Variants in LANCL3 observed in about 807,000 individuals in gnomAD.
The protein encoded by LANCL3 is lanC-like protein 3.
In LANCL3, 19 loss-of-function variants were observed where a neutral mutation model predicts 26.5. The observed-to-expected ratio is 0.72, with a 90% CI of 0.50 to 1.05. The LOEUF (loss-of-function observed/expected upper bound fraction) is 1.05. Ranked by LOEUF, LANCL3 falls within the 50% of genes least tolerant of loss-of-function variation. The pLI is 0.00. For synonymous variants in LANCL3, 160 were observed against 166.6 expected, an observed-to-expected ratio of 0.96 and a Z score of 0.30; for missense variants, 318 against 362.7, an observed-to-expected ratio of 0.88 and a Z score of 1.00.
intron 1 of LANCL3, among the ~76,000 whole-genome samples, chrX:37,608,340 C>T (rs1424435849): frequency 8.9e-6 from 1 of 111,749 alleles, no homozygotes; most frequent in Non-Finnish European, 1.9e-5. Context: ...GATTGCTGGG[C>T]CCTACCTCAG....
chrX:37,609,123 A>G (rs1383511876), intron 1 of LANCL3, among the ~76,000 whole-genome samples: 1 of 112,201 alleles, frequency 8.9e-6, no homozygotes, highest in Non-Finnish European at 1.9e-5. Context: ...GATGCTTTAC[A>G]ATATATTGAG....
chrX:37,583,287 C>T (rs1269222968), intron 1 of LANCL3, among the ~76,000 whole-genome samples: 30 of 111,982 alleles, frequency 2.7e-4, no homozygotes, highest in Non-Finnish European at 4.9e-4. Context: ...TTAGGATTGA[C>T]TTGGCAATGT....
At chrX:37,596,679 T>A (rs1924438060) in intron 1 of LANCL3, among the ~76,000 whole-genome samples, 1 of 112,195 alleles carries the variant, frequency 8.9e-6, no homozygotes, top group Non-Finnish European at 1.9e-5. Flanking sequence ...ATTTGGTGTG[T>A]CTTGTGTATA....
At position 37,683,849 on chromosome X, in the gene LANCL3, A is replaced by T. The variant is rs958346599; in HGVS notation, c.*8036A>T. 1 of 112,061 alleles carries T rather than the reference A, an allele frequency of 8.9e-6. No homozygotes were observed. Among genetic ancestry groups the T allele is most frequent in the Admixed American group, 9.5e-5 (1 of 10,523 alleles). The allele number at this position is 112,061 out of a possible 1,213,427, so 9.2% of individuals were successfully genotyped here. On this transcript the variant is annotated 3_prime_UTR_variant, in exon 5 of 5. Coordinates refer to ENST00000378619, the MANE Select transcript of LANCL3 (RefSeq NM_001170331.2). ...CTATTATTATGTACATAATATTTTT[A>T]AAAATAATGGGTATTTTGGTCCTAG...
intron 1 of LANCL3, among the ~76,000 whole-genome samples, chrX:37,625,452 G>A (rs1556422880): frequency 9.0e-6 from 1 of 110,904 alleles, no homozygotes; most frequent in East Asian, 2.8e-4. Context: ...CAAGTTGAAG[G>A]GACCTCCTGG....
chrX:37,678,881 T>C lies in LANCL3; in HGVS notation c.*3068T>C, dbSNP rs1054525762. ...GTGGCAGCTTATTTCTTTAACTTTT[T>C]TGACATATTAAGATTTTAATCATGG... On this transcript the variant is annotated 3_prime_UTR_variant, in exon 5 of 5. Transcript: ENST00000378619. The C allele has an allele frequency of 1.8e-5, 2 of 112,319 alleles. No individual in the cohort carries two copies. The highest frequency in any genetic ancestry group is 3.8e-5 in the Non-Finnish European group (2 of 53,194). The allele number at this position is 112,319 out of a possible 1,213,427, so 9.3% of individuals were successfully genotyped here.
At chrX:37,632,204 G>A (rs1464863882) in intron 1 of LANCL3, among the ~76,000 whole-genome samples, 2 of 112,186 alleles carry the variant, frequency 1.8e-5, no homozygotes, top group Non-Finnish European at 3.8e-5. Context: ...TTACCATTAT[G>A]TAATGCCCTT....
chrX:37,571,772 G>T lies in LANCL3; in HGVS notation c.-99G>T, dbSNP rs1176474980. ...TCGCTCCTTCCCCGCCGCATACACC[G>T]GCATCCGAGTGCCTCAGAGAGCCGG... On this transcript the variant is annotated 5_prime_UTR_variant, in exon 1 of 5. Transcript: ENST00000378619. The T allele has an allele frequency of 5.9e-6, 4 of 682,320 alleles. No homozygotes were observed. Among genetic ancestry groups the T allele is most frequent in the Non-Finnish European group, 8.6e-6 (4 of 465,901 alleles). The allele number at this position is 682,320 out of a possible 1,213,427, so 56.2% of individuals were successfully genotyped here.
chrX:37,618,156 T>A (rs2146742024), intron 1 of LANCL3, among the ~76,000 whole-genome samples: 1 of 112,150 alleles, frequency 8.9e-6, no homozygotes, highest in African/African-American at 3.2e-5. Flanking sequence ...TTCATCAAGG[T>A]CCCTCATTTG....
At chrX:37,580,854 G>A (rs1197341075) in intron 1 of LANCL3, among the ~76,000 whole-genome samples, 5 of 112,068 alleles carry the variant, frequency 4.5e-5, no homozygotes, top group African/African-American at 1.6e-4. Flanking sequence ...ATCATATCCA[G>A]TAGGGAAACT....
intron 1 of LANCL3, among the ~76,000 whole-genome samples, chrX:37,650,667 C>T (rs1404867050): frequency 9.3e-6 from 1 of 107,126 alleles, no homozygotes; most frequent in African/African-American, 3.4e-5. Flanking sequence ...TTTTCTTTAA[C>T]TTTCTCTCTT....
intron 1 of LANCL3, among the ~76,000 whole-genome samples, chrX:37,634,171 G>T (rs943313577): frequency 8.9e-6 from 1 of 112,408 alleles, no homozygotes; most frequent in African/African-American, 3.2e-5. Context: ...CTGCCGCCTT[G>T]CAGTTTGGTC....
intron 1 of LANCL3, among the ~76,000 whole-genome samples, chrX:37,606,237 T>C (rs1924712679): frequency 9.0e-6 from 1 of 111,158 alleles, no homozygotes. Flanking sequence ...GTATCCAAGG[T>C]TTTTATTGGG....
chrX:37,611,321 A>G (rs782300904), intron 1 of LANCL3, among the ~76,000 whole-genome samples: 1 of 111,256 alleles, frequency 9.0e-6, no homozygotes, highest in Non-Finnish European at 1.9e-5. Flanking sequence ...TTCTCCTCCA[A>G]TGGGTGTCCT....
chrX:37,635,524 T>A (rs1925682552), intron 1 of LANCL3, among the ~76,000 whole-genome samples: 1 of 111,495 alleles, frequency 9.0e-6, no homozygotes. Context: ...TAGGTAAGCA[T>A]AGTCTTTTTG....
intron 1 of LANCL3, among the ~76,000 whole-genome samples, chrX:37,589,516 T>C (rs782351994): frequency 1.3e-4 from 14 of 111,439 alleles, no homozygotes; most frequent in African/African-American, 4.6e-4. Context: ...GGCTTCAGCA[T>C]AGGGTGATGA....
chrX:37,596,065 A>T (rs1039407946), intron 1 of LANCL3, among the ~76,000 whole-genome samples: 21 of 112,287 alleles, frequency 1.9e-4, no homozygotes, highest in African/African-American at 6.8e-4. Flanking sequence ...TGAATATCTA[A>T]TCATATCCTT....
intron 4 of LANCL3, among the ~76,000 whole-genome samples, chrX:37,673,440 G>A (rs1602138649): frequency 9.0e-6 from 1 of 110,694 alleles, no homozygotes; most frequent in Non-Finnish European, 1.9e-5. Context: ...TCTGCATTCA[G>A]TTTTGGTCAT....
At chrX:37,611,638 G>A (rs1357703604) in intron 1 of LANCL3, among the ~76,000 whole-genome samples, 7 of 111,802 alleles carry the variant, frequency 6.3e-5, no homozygotes, top group East Asian at 2.8e-4. Flanking sequence ...CTCCCAGGCC[G>A]CCAGCATAAC....
Sources: gnomAD v4.1 joint callset for allele counts (sites outside exome capture counted in the v4.1 genomes callset) on GRCh38, gnomAD v4.1.1 for gene constraint, MANE v1.5 for transcripts, NCBI Gene and HGNC (gene_info 2026-07-23, HGNC 2026-07-21) for gene names.